The following CHN2 variants were observed in gnomAD, a reference collection of about 807,000 sequenced individuals.
CHN2 encodes beta-chimaerin.
In CHN2, 35 loss-of-function variants were observed where a neutral mutation model predicts 56.3. The ratio of observed to expected loss-of-function variants is 0.62; its 90% CI spans 0.47 to 0.82. The LOEUF is 0.82. CHN2 is among the 40% of genes least tolerant of loss of function. The pLI is 0.00. For missense variants in CHN2, 491 were observed against 580.5 expected (o/e 0.85, Z 1.58); for synonymous variants, 210 against 212.8 (o/e 0.99, Z 0.12).
intron 1 of CHN2, among the ~76,000 whole-genome samples, chr7:29,220,280 A>AAAGAGAGAG (rs1554366787): frequency 2.0e-4 from 28 of 138,162 alleles, no homozygotes; most frequent in Admixed American, 6.0e-4. Context: ...AAAAAAAAAA[A>AAAGAGAGAG]AGAGAGAGAG....
At chr7:29,376,114 T>C (rs554430393) in intron 3 of CHN2, among the ~76,000 whole-genome samples, 2 of 152,304 alleles carry the variant, frequency 1.3e-5, no homozygotes, top group East Asian at 1.9e-4. Context: ...CTGCTTTCCA[T>C]TGGAAAAAAT....
intron 6 of CHN2, among the ~76,000 whole-genome samples, chr7:29,462,675 A>G (rs572470569): frequency 6.3e-4 from 96 of 152,314 alleles, no homozygotes; most frequent in African/African-American, 2.2e-3. Flanking sequence ...CATGGCTCCA[A>G]TGCAAAGATG....
At chr7:29,430,376 T>C (rs909405222) in intron 6 of CHN2, among the ~76,000 whole-genome samples, 1 of 152,198 alleles carries the variant, frequency 6.6e-6, no homozygotes, top group Non-Finnish European at 1.5e-5. Flanking sequence ...CGCAGTTTAG[T>C]TGAGCAAAGA....
chr7:29,270,482 C>T (rs1790529228), intron 1 of CHN2, among the ~76,000 whole-genome samples: 1 of 136,132 alleles, frequency 7.3e-6, no homozygotes, highest in Non-Finnish European at 1.5e-5. Context: ...TGGTGAAACC[C>T]CATCTCTACT....
intron 2 of CHN2, among the ~76,000 whole-genome samples, chr7:29,159,595 A>G (rs560707097): frequency 1.3e-5 from 2 of 152,252 alleles, no homozygotes; most frequent in African/African-American, 4.8e-5. Context: ...CTCTTCCCAC[A>G]CAAGTCTTAT....
At chr7:29,259,307 A>G (rs936278366) in intron 1 of CHN2, among the ~76,000 whole-genome samples, 3 of 146,604 alleles carry the variant, frequency 2.0e-5, no homozygotes, top group African/African-American at 7.7e-5. Flanking sequence ...AGCCTGGGTG[A>G]CGGACTGAGA....
chr7:29,264,793 C>T (rs1252316987), intron 1 of CHN2, among the ~76,000 whole-genome samples: 3 of 146,790 alleles, frequency 2.0e-5, no homozygotes, highest in Non-Finnish European at 3.0e-5. Flanking sequence ...GAGAGACACC[C>T]GGGGTGATCA....
chr7:29,362,935 TG>T (rs768796365), intron 2 of CHN2, among the ~76,000 whole-genome samples: 3 of 152,208 alleles, frequency 2.0e-5, no homozygotes, highest in Non-Finnish European at 4.4e-5. Context: ...ATTAAAAATG[TG>T]TTCACAAAGC....
intron 1 of CHN2, among the ~76,000 whole-genome samples, chr7:29,254,842 G>A (rs899335347): frequency 6.6e-6 from 1 of 152,086 alleles, no homozygotes; most frequent in Non-Finnish European, 1.5e-5. Flanking sequence ...AGGGAGTCTG[G>A]GAAATGTAGT....
chr7:29,300,740 G>T (rs1793598755), intron 1 of CHN2, among the ~76,000 whole-genome samples: 1 of 152,128 alleles, frequency 6.6e-6, no homozygotes, highest in Non-Finnish European at 1.5e-5. Flanking sequence ...AATAACAAAA[G>T]AAATATTTTC....
At chr7:29,506,752 A>G (rs910736699) in intron 10 of CHN2, among the ~76,000 whole-genome samples, 2 of 152,228 alleles carry the variant, frequency 1.3e-5, no homozygotes, top group Admixed American at 6.5e-5. Context: ...TTAAAAACAA[A>G]CAAACAAACC....
chr7:29,404,409 C>T (rs1057087438), intron 6 of CHN2, among the ~76,000 whole-genome samples: 2 of 151,980 alleles, frequency 1.3e-5, no homozygotes, highest in African/African-American at 2.4e-5. Context: ...TGATCCATGC[C>T]CTTAAATAAT....
chr7:29,234,060 C>G (rs1262789059), intron 1 of CHN2, among the ~76,000 whole-genome samples: 1 of 151,192 alleles, frequency 6.6e-6, no homozygotes, highest in Non-Finnish European at 1.5e-5. Context: ...GTCTCGATCT[C>G]CTGACCTCGT....
intron 1 of CHN2, among the ~76,000 whole-genome samples, chr7:29,272,223 A>G (rs1790712897): frequency 6.6e-6 from 1 of 152,144 alleles, no homozygotes; most frequent in Admixed American, 6.6e-5. Flanking sequence ...TCAGGATAGC[A>G]TCTCACTTCC....
At chr7:29,274,327 G>A (rs1162774784) in intron 1 of CHN2, among the ~76,000 whole-genome samples, 3 of 152,198 alleles carry the variant, frequency 2.0e-5, no homozygotes, top group Non-Finnish European at 4.4e-5. Flanking sequence ...CAACACATAC[G>A]TTTTTCCTCT....
chr7:29,412,905 T>A (rs943169722), intron 6 of CHN2, among the ~76,000 whole-genome samples: 2 of 4,320 alleles, frequency 4.6e-4, no homozygotes, highest in Non-Finnish European at 1.0e-3. Flanking sequence ...GGTGGGTGGG[T>A]GGGGTCCTGG....
chr7:29,235,796 A>C (rs996285853), intron 1 of CHN2, among the ~76,000 whole-genome samples: 2 of 152,182 alleles, frequency 1.3e-5, no homozygotes, highest in Non-Finnish European at 2.9e-5. Flanking sequence ...ACTGACAACC[A>C]AATACCGCAT....
At chr7:29,252,483 C>T (rs1239452773) in intron 1 of CHN2, among the ~76,000 whole-genome samples, 3 of 150,788 alleles carry the variant, frequency 2.0e-5, no homozygotes, top group Middle Eastern at 6.9e-3. Context: ...CCACTGCACC[C>T]GGCCGATTAT....
intron 1 of CHN2, among the ~76,000 whole-genome samples, chr7:29,210,058 ATTAG>A (rs1013487957): frequency 1.3e-5 from 2 of 152,100 alleles, no homozygotes; most frequent in African/African-American, 4.8e-5. Flanking sequence ...GTGTAGAATT[ATTAG>A]TTTGGCCCAG....
Sources: gnomAD v4.1 joint callset for allele counts (sites outside exome capture counted in the v4.1 genomes callset) on GRCh38, gnomAD v4.1.1 for gene constraint, MANE v1.5 for transcripts, NCBI Gene and HGNC (gene_info 2026-07-23, HGNC 2026-07-21) for gene names.